The following PIGK variants were observed in gnomAD, a reference collection of about 807,000 sequenced individuals.
PIGK encodes GPI-anchor transamidase.
PIGK carries 42 observed loss-of-function variants against 50.6 expected under a neutral mutation model. The observed-to-expected ratio is 0.83, with a 90% CI of 0.65 to 1.07. PIGK has a LOEUF of 1.07. Ranked by LOEUF, PIGK falls within the 50% of genes least tolerant of loss-of-function variation. The pLI is 0.00. For missense variants in PIGK, 448 were observed against 488.7 expected, an observed-to-expected ratio of 0.92 and a Z score of 0.78; for synonymous variants, 151 against 156.0, an observed-to-expected ratio of 0.97 and a Z score of 0.24.
At chr1:77,188,713 T>G (rs1474041336) in intron 3 of PIGK, among the ~76,000 whole-genome samples, 1 of 152,124 alleles carries the variant, frequency 6.6e-6, no homozygotes, top group Non-Finnish European at 1.5e-5. Context: ...GCATCACGGA[T>G]CCTACCAACG....
At chr1:77,094,509 A>C (rs909764939) in intron 10 of PIGK, among the ~76,000 whole-genome samples, 1 of 152,194 alleles carries the variant, frequency 6.6e-6, no homozygotes, top group African/African-American at 2.4e-5. Context: ...AATGGTGAAC[A>C]TCATTCAAGC....
chr1:77,133,226 T>C (rs12733865), intron 9 of PIGK, among the ~76,000 whole-genome samples: 17,607 of 152,124 alleles, frequency 0.12, 1,412 homozygotes, highest in African/African-American at 0.22. Context: ...TATTTTCTAT[T>C]GTACTGTCTT....
At chr1:77,149,892 G>T (rs1273392326) in intron 9 of PIGK, among the ~76,000 whole-genome samples, 1 of 151,896 alleles carries the variant, frequency 6.6e-6, no homozygotes, top group African/African-American at 2.4e-5. Flanking sequence ...ATCATTTCAA[G>T]TATCTTTTTC....
In PIGK at chr1:77,123,562, GA is replaced by G. The variant is rs376448397; in HGVS notation, c.987-1204del. The stretch of plus-strand genomic sequence containing the variant: ...ACTCTGAAGATTCTCACTAATGATG[GA>G]AAAAAAAAACTGCCTCAAAACATGT... On this transcript the variant is annotated intron_variant, in intron 9 of 10. Transcript: ENST00000370812. Among the ~76,000 whole-genome samples, 13 of 147,738 alleles carry G rather than the reference GA, an allele frequency of 8.8e-5. No homozygotes were observed. The South Asian group carries it at 2.1e-3, about 24-fold the overall frequency.
intron 6 of PIGK, among the ~76,000 whole-genome samples, chr1:77,163,455 AT>A (rs143343926): frequency 5.3e-5 from 8 of 151,876 alleles, no homozygotes; most frequent in South Asian, 4.2e-4. Flanking sequence ...AATTTCAGCG[AT>A]TTTTTTTTCC....
At chr1:77,154,665 C>A (rs1477407616) in intron 8 of PIGK, 44 bp from the exon 9 acceptor site, 6 of 1,186,036 alleles carry the variant, frequency 5.1e-6, no homozygotes, top group Non-Finnish European at 7.3e-6. Flanking sequence ...CACACACATA[C>A]CACATTTATT....
chr1:77,093,416 G>T (rs1653340677), intron 10 of PIGK, among the ~76,000 whole-genome samples: 1 of 151,944 alleles, frequency 6.6e-6, no homozygotes, highest in Non-Finnish European at 1.5e-5. Flanking sequence ...CTGAATTACT[G>T]GCCAAGACTG....
intron 5 of PIGK, among the ~76,000 whole-genome samples, chr1:77,164,689 G>A (rs1041653483): frequency 9.9e-5 from 15 of 151,648 alleles, no homozygotes; most frequent in Admixed American, 7.2e-4. Flanking sequence ...AGGGCAGATC[G>A]CTTAGTAAGT....
rs181916733 is a variant in PIGK at position 77,123,819 on chromosome 1, T to C, written c.987-1460A>G. ...TGTTATGTATTTGTTATGGGCTGAATTGTGCCCTTCAACAAACTCCAAAAT... is the reference window on the plus strand; with the variant it reads ...TGTTATGTATTTGTTATGGGCTGAACTGTGCCCTTCAACAAACTCCAAAAT... On this transcript the variant is annotated intron_variant, in intron 9 of 10. Coordinates refer to ENST00000370812, the MANE Select transcript of PIGK (RefSeq NM_005482.3). 1.1e-3 allele frequency among the ~76,000 whole-genome samples: 162 copies of C among 152,246 alleles called. 1 individual carries two copies. Among genetic ancestry groups the C allele is most frequent in the African/African-American group, 3.6e-3 (150 of 41,544 alleles).
intron 3 of PIGK, among the ~76,000 whole-genome samples, chr1:77,187,276 T>C (rs113908770): frequency 0.037 from 5,627 of 152,188 alleles, 204 homozygotes; most frequent in South Asian, 0.21. Context: ...ATCCAATATA[T>C]GGTACTGTTT....
intron 3 of PIGK, among the ~76,000 whole-genome samples, chr1:77,194,376 A>G (rs1346844763): frequency 6.6e-6 from 1 of 151,296 alleles, no homozygotes; most frequent in Admixed American, 6.6e-5. Flanking sequence ...AGGGATATAT[A>G]ATATCAACCT....
chr1:77,115,523 C>T (rs1016238861), intron 10 of PIGK, among the ~76,000 whole-genome samples: 8 of 151,712 alleles, frequency 5.3e-5, no homozygotes, highest in African/African-American at 1.7e-4. Context: ...AAACATCCTG[C>T]GATGCACAGA....
chr1:77,092,889 G>C (rs1438036053), intron 10 of PIGK, among the ~76,000 whole-genome samples: 1 of 151,980 alleles, frequency 6.6e-6, no homozygotes, highest in African/African-American at 2.4e-5. Context: ...TATATTCCCA[G>C]CACCAACCTG....
chr1:77,092,385 A>G lies in PIGK; in HGVS notation c.1177T>C (p.Phe393Leu). 2.0e-6 allele frequency: 3 copies of G among 1,511,308 alleles called. No individual in the cohort carries two copies. The highest frequency in any genetic ancestry group is 2.7e-6 in the Non-Finnish European group (3 of 1,097,624). The allele number at this position is 1,511,308 out of a possible 1,614,324, so 93.6% of individuals were successfully genotyped here. A position where few individuals can be genotyped will look rare whatever the true frequency, so the allele number is the denominator to read the frequency against. Reference protein sequence around the residue: ...FKTYGIKHMKFIF With the variant: ...FKTYGIKHMKLIF Reference sequence around the variant, plus strand: ...ATTCATCATCAAGTCTAAAAAATGAACTTCATATGCTTAATTCCATAAGTT... The same window carrying G: ...ATTCATCATCAAGTCTAAAAAATGAGCTTCATATGCTTAATTCCATAAGTT... Residue 393 changes from phenylalanine (F) to leucine (L), a missense_variant, in exon 11 of 11, where the codon TTC becomes CTC. By Grantham distance (22) the Phe-to-Leu change is conservative (BLOSUM62 0). Transcript: ENST00000370812.
At chr1:77,205,397 T>C (rs1044452728) in intron 3 of PIGK, among the ~76,000 whole-genome samples, 5 of 150,982 alleles carry the variant, frequency 3.3e-5, no homozygotes, top group Non-Finnish European at 7.4e-5. Context: ...GTTGCCATGA[T>C]TTCCAGATGA....
chr1:77,210,345 A>G, intron 2 of PIGK, 91 bp downstream of exon 2: 2 of 664,614 alleles, frequency 3.0e-6, no homozygotes. Flanking sequence ...ATGTAAAAAA[A>G]TAAATTGTAT....
intron 10 of PIGK, among the ~76,000 whole-genome samples, chr1:77,096,770 T>G (rs2100507649): frequency 6.6e-6 from 1 of 152,128 alleles, no homozygotes; most frequent in Non-Finnish European, 1.5e-5. Context: ...TCAAAAGTTA[T>G]GAAATACATC....
intron 10 of PIGK, among the ~76,000 whole-genome samples, chr1:77,096,754 G>A (rs895640657): frequency 6.6e-6 from 1 of 152,012 alleles, no homozygotes. Context: ...AGTGGTTCAT[G>A]ATACATCAAA....
intron 3 of PIGK, among the ~76,000 whole-genome samples, chr1:77,173,666 C>T (rs563559050): frequency 6.6e-6 from 1 of 152,344 alleles, no homozygotes; most frequent in East Asian, 1.9e-4. Flanking sequence ...TGAGGCTATT[C>T]TTAAGCTGTA....
Sources: allele counts gnomAD v4.1 joint callset (sites outside exome capture counted in the v4.1 genomes callset), GRCh38; gene constraint gnomAD v4.1.1; transcripts MANE v1.5; gene names NCBI Gene and HGNC (gene_info 2026-07-23, HGNC 2026-07-21).